The following RAPGEF2 variants were observed in gnomAD, a reference collection of about 807,000 sequenced individuals.
RAPGEF2 encodes Rap guanine nucleotide exchange factor 2.
Under a neutral mutation model 186.7 loss-of-function variants are expected in RAPGEF2, and 54 were observed. The observed-to-expected ratio is 0.29, with a 90% CI of 0.23 to 0.36. The LOEUF (loss-of-function observed/expected upper bound fraction) is 0.36, where lower values mean the gene tolerates loss of function less well. Among genes scored for constraint, RAPGEF2 ranks in the 10% least tolerant of loss-of-function variants. The pLI, the probability that RAPGEF2 is intolerant of heterozygous loss-of-function variation, is 1.00. For missense variants in RAPGEF2, 1,532 were observed against 2,045.0 expected, an observed-to-expected ratio of 0.75 and a Z score of 4.84; for synonymous variants, 712 against 705.9, an observed-to-expected ratio of 1.01 and a Z score of -0.14.
intron 7 of RAPGEF2, among the ~76,000 whole-genome samples, chr4:159,299,656 ATTTAC>A (rs1762423130): frequency 6.6e-6 from 1 of 151,956 alleles, no homozygotes; most frequent in South Asian, 2.1e-4. Context: ...ATTATTACTT[ATTTAC>A]TTATGAGTAT....
At chr4:159,323,356 C>T in intron 10 of RAPGEF2, 103 bp from the exon 11 acceptor site, 3 of 979,726 alleles carry the variant, frequency 3.1e-6, no homozygotes, top group Non-Finnish European at 4.4e-6. Flanking sequence ...GTTTTATCTC[C>T]AAAATGGAAG....
At chr4:159,219,457 G>A (rs1326051027) in intron 4 of RAPGEF2, among the ~76,000 whole-genome samples, 5 of 141,270 alleles carry the variant, frequency 3.5e-5, no homozygotes, top group East Asian at 4.4e-4. Context: ...CCGGGTTCAC[G>A]CCATTCTCCT....
At chr4:159,348,245 T>TA (rs1561329944) in intron 25 of RAPGEF2, among the ~76,000 whole-genome samples, 3,386 of 24,938 alleles carry the variant, frequency 0.14, 130 homozygotes, top group African/African-American at 0.2. Context: ...GATAGATAGA[T>TA]GGATGGATGG....
At chr4:159,181,286 T>C (rs1056545918) in intron 1 of RAPGEF2, among the ~76,000 whole-genome samples, 1 of 152,232 alleles carries the variant, frequency 6.6e-6, no homozygotes, top group Non-Finnish European at 1.5e-5. Context: ...GGCTTCCAAA[T>C]TCTTGCTTCT....
intron 4 of RAPGEF2, among the ~76,000 whole-genome samples, chr4:159,212,225 T>C (rs1750603999): frequency 6.6e-6 from 1 of 152,182 alleles, no homozygotes; most frequent in South Asian, 2.1e-4. Context: ...AATGTCTCCA[T>C]TGGAATCGTA....
chr4:159,267,951 A>G lies in RAPGEF2; in HGVS notation c.543+24160A>G. 8 of 1,348,822 alleles carry G rather than the reference A, an allele frequency of 5.9e-6. No homozygotes were observed. In the South Asian group the frequency reaches 1.6e-4, roughly 26 times the overall value. 83.6% of individuals were successfully genotyped at this position (1,348,822 alleles called of 1,614,324 possible). ...CAATGTTATAAAAATGGAGACGAAC[A>G]CTGTTGTTCGGATTCCTTTTCTGGT... On this transcript the variant is annotated intron_variant, in intron 7 of 29. Transcript: ENST00000691494.
intron 4 of RAPGEF2, among the ~76,000 whole-genome samples, chr4:159,225,677 C>G (rs766694860): frequency 2.0e-5 from 3 of 152,150 alleles, no homozygotes; most frequent in Non-Finnish European, 4.4e-5. Flanking sequence ...CTTAGCTCTT[C>G]TAGTAGATAC....
At chr4:159,234,549 ATTTTTTTTTTTTT>A (rs10588096) in intron 4 of RAPGEF2, among the ~76,000 whole-genome samples, 1 of 108,176 alleles carries the variant, frequency 9.2e-6, no homozygotes, top group African/African-American at 4.0e-5. Context: ...TGCCCGGCTA[ATTTTTTTTTTTTT>A]TTTTTTTTTT....
intron 1 of RAPGEF2, among the ~76,000 whole-genome samples, chr4:159,154,567 A>G (rs1354756306): frequency 6.6e-6 from 1 of 151,378 alleles, no homozygotes; most frequent in Admixed American, 6.6e-5. Flanking sequence ...TCCAGAAACC[A>G]GTGACTATAT....
intron 4 of RAPGEF2, among the ~76,000 whole-genome samples, chr4:159,213,155 G>A (rs1167473693): frequency 6.6e-6 from 1 of 152,180 alleles, no homozygotes; most frequent in Non-Finnish European, 1.5e-5. Flanking sequence ...CTGACAGTTT[G>A]CACCGTCCAA....
chr4:159,193,353 C>G, intron 3 of RAPGEF2, 97 bp downstream of exon 3: 1 of 550,026 alleles, frequency 1.8e-6, no homozygotes, highest in Non-Finnish European at 2.9e-6. Context: ...GCTAAGTCAG[C>G]ACTAACTTAT....
chr4:159,243,717 A>C, intron 6 of RAPGEF2, 57 bp from the exon 7 acceptor site: 1 of 1,156,868 alleles, frequency 8.6e-7, no homozygotes, highest in East Asian at 5.7e-5. Flanking sequence ...AGCATGTCTG[A>C]TAATGTTCAT....
intron 4 of RAPGEF2, among the ~76,000 whole-genome samples, chr4:159,219,505 G>A (rs903151594): frequency 1.5e-4 from 23 of 151,802 alleles, no homozygotes; most frequent in African/African-American, 3.6e-4. Flanking sequence ...ACAGGCACCC[G>A]CCACCACGTC....
At chr4:159,254,451 A>G (rs567555193) in intron 7 of RAPGEF2, among the ~76,000 whole-genome samples, 9 of 152,282 alleles carry the variant, frequency 5.9e-5, no homozygotes, top group Admixed American at 5.2e-4. Context: ...GATTTGATTC[A>G]CTGGTTTTTC....
intron 3 of RAPGEF2, among the ~76,000 whole-genome samples, chr4:159,197,044 G>A (rs1181955903): frequency 6.6e-6 from 1 of 152,188 alleles, no homozygotes; most frequent in Non-Finnish European, 1.5e-5. Flanking sequence ...TATCTACTCT[G>A]TTAGGTATTG....
intron 9 of RAPGEF2, among the ~76,000 whole-genome samples, chr4:159,317,345 C>A (rs1764725625): frequency 1.3e-5 from 2 of 152,154 alleles, no homozygotes; most frequent in South Asian, 4.1e-4. Context: ...GTCCTGGCAA[C>A]TCACTCAGTG....
chr4:159,170,505 A>G (rs76480299), intron 1 of RAPGEF2, among the ~76,000 whole-genome samples: 85 of 152,340 alleles, frequency 5.6e-4, no homozygotes, highest in African/African-American at 2.0e-3. Flanking sequence ...ATTAGATACG[A>G]TAAGTAATCT....
chr4:159,240,666 C>T (rs1753868761), intron 5 of RAPGEF2, among the ~76,000 whole-genome samples: 1 of 152,040 alleles, frequency 6.6e-6, no homozygotes, highest in African/African-American at 2.4e-5. Flanking sequence ...TACTTTTAAA[C>T]AACACTATTT....
Position 159,356,164 on chromosome 4 carries a change from T to C in RAPGEF2, c.4957+6T>C. ...GTTTTCCACCGAGGAGGATGGTATA[T>C]GCACATAAATATTCCTAAAACCTCC... is the stretch of plus-strand genomic sequence containing the variant. On this transcript the variant is annotated splice_donor_region_variant and intron_variant, in intron 29 of 29. Transcript: ENST00000691494. 1 of 1,608,688 alleles carries C rather than the reference T, an allele frequency of 6.2e-7. No individual in the cohort carries two copies. Among genetic ancestry groups the C allele is most frequent in the Non-Finnish European group, 8.5e-7 (1 of 1,175,650 alleles).
Sources: allele counts gnomAD v4.1 joint callset (sites outside exome capture counted in the v4.1 genomes callset), GRCh38; gene constraint gnomAD v4.1.1; transcripts MANE v1.5; gene names NCBI Gene and HGNC (gene_info 2026-07-23, HGNC 2026-07-21).